Variants in DNAJC3 observed in about 807,000 individuals in gnomAD.
DNAJC3 encodes the protein DnaJ heat shock protein family (Hsp40) member C3, also known as dnaJ homolog subfamily C member 3.
DNAJC3 carries 38 observed loss-of-function variants against 68.6 expected under a neutral mutation model. The observed-to-expected ratio is 0.55, with a 90% CI of 0.43 to 0.73. The LOEUF (loss-of-function observed/expected upper bound fraction) is 0.73, where lower values mean the gene tolerates loss of function less well. Ranked by LOEUF, DNAJC3 falls within the 30% of genes least tolerant of loss-of-function variation. The pLI is 0.00. For synonymous variants in DNAJC3, 203 were observed against 204.0 expected (o/e 1.00, Z 0.04); for missense variants, 526 against 591.9 (o/e 0.89, Z 1.16).
At chr13:95,759,620 G>A (rs988391934) in intron 5 of DNAJC3, among the ~76,000 whole-genome samples, 8 of 152,166 alleles carry the variant, frequency 5.3e-5, no homozygotes, top group African/African-American at 1.9e-4. Flanking sequence ...TAGAACCTAG[G>A]TTTTATTTTT....
At chr13:95,716,684 A>G (rs1349264550) in intron 2 of DNAJC3, among the ~76,000 whole-genome samples, 5 of 151,982 alleles carry the variant, frequency 3.3e-5, no homozygotes, top group Non-Finnish European at 7.4e-5. Context: ...AGACTCTTCT[A>G]TGGCCACTCC....
chr13:95,715,147 G>C (rs1252177157), intron 2 of DNAJC3, among the ~76,000 whole-genome samples: 6 of 152,214 alleles, frequency 3.9e-5, no homozygotes, highest in Admixed American at 3.9e-4. Context: ...AGCACTTTGA[G>C]CACTTTCGAA....
intron 1 of DNAJC3, among the ~76,000 whole-genome samples, chr13:95,680,558 T>C (rs894597181): frequency 1.3e-5 from 2 of 152,222 alleles, no homozygotes; most frequent in Non-Finnish European, 2.9e-5. Context: ...ACATATTTTC[T>C]AGAATTATTT....
At chr13:95,760,298 T>G in intron 6 of DNAJC3, 77 bp downstream of exon 6, 2 of 1,230,818 alleles carry the variant, frequency 1.6e-6, no homozygotes, top group South Asian at 4.6e-5. Context: ...TTTAACATTT[T>G]AATATTAAAT....
intron 10 of DNAJC3, among the ~76,000 whole-genome samples, chr13:95,786,375 T>C (rs1276066212): frequency 1.3e-5 from 2 of 152,092 alleles, no homozygotes; most frequent in Non-Finnish European, 2.9e-5. Flanking sequence ...GAGATTCCTT[T>C]TGGTGGGGAT....
At chr13:95,712,249 T>G (rs1220790044) in intron 2 of DNAJC3, among the ~76,000 whole-genome samples, 1 of 152,192 alleles carries the variant, frequency 6.6e-6, no homozygotes, top group East Asian at 1.9e-4. Context: ...ACCATCATAC[T>G]TTATGGTGAA....
Sources: allele counts gnomAD v4.1 joint callset (sites outside exome capture counted in the v4.1 genomes callset), GRCh38; gene constraint gnomAD v4.1.1; transcripts MANE v1.5; gene names NCBI Gene and HGNC (gene_info 2026-07-23, HGNC 2026-07-21).